Variants in GRIK2 observed in about 807,000 individuals in gnomAD.
The protein encoded by GRIK2 is glutamate ionotropic receptor kainate type subunit 2, also known as glutamate receptor ionotropic, kainate 2.
Under a neutral mutation model 100.3 loss-of-function variants are expected in GRIK2, and 32 were observed. That is an observed-to-expected ratio of 0.32 (90% CI 0.24 to 0.43). GRIK2 has a LOEUF of 0.43. Ranked by LOEUF, GRIK2 falls within the 20% of genes least tolerant of loss-of-function variation. The pLI, the probability that GRIK2 is intolerant of heterozygous loss-of-function variation, is 1.00. For missense variants in GRIK2, 843 were observed against 1,114.9 expected (o/e 0.76, Z 3.47); for synonymous variants, 417 against 389.4 (o/e 1.07, Z -0.83).
intron 14 of GRIK2, among the ~76,000 whole-genome samples, chr6:102,029,035 T>C (rs1769850939): frequency 1.3e-5 from 2 of 151,256 alleles, no homozygotes; most frequent in Admixed American, 1.3e-4. Context: ...TTCTCTTAGG[T>C]ACTACATTCT....
chr6:101,418,223 CAG>C (rs1416927485), intron 2 of GRIK2, among the ~76,000 whole-genome samples: 1 of 152,160 alleles, frequency 6.6e-6, no homozygotes, highest in Non-Finnish European at 1.5e-5. Flanking sequence ...CTGGGAGTAA[CAG>C]ACAGTATTTT....
rs1780186898 is a variant in GRIK2 at position 101,621,989 on chromosome 6, T to C, written c.156T>C (p.Ala52=). 2.5e-6 allele frequency: 4 copies of C among 1,610,356 alleles called. No homozygotes were observed. The East Asian group carries it at 8.9e-5, about 36-fold the overall frequency. Residue 52 remains alanine, a synonymous_variant, in exon 3 of 17, where the codon GCT becomes GCC. Transcript: ENST00000369134. ...FEYVESGPMG[A]EELAFRFAVN... Reference sequence around the variant, plus strand: ...ATGTGGAATCTGGCCCAATGGGAGCTGAGGAACTTGCATTCAGATTTGCTG... The same window carrying C: ...ATGTGGAATCTGGCCCAATGGGAGCCGAGGAACTTGCATTCAGATTTGCTG...
At chr6:101,452,293 C>A (rs1233217763) in intron 2 of GRIK2, among the ~76,000 whole-genome samples, 1 of 151,656 alleles carries the variant, frequency 6.6e-6, no homozygotes, top group Non-Finnish European at 1.5e-5. Context: ...ATAGTAAAAA[C>A]CCTAATAACA....
intron 14 of GRIK2, among the ~76,000 whole-genome samples, chr6:101,988,953 T>A (rs895619911): frequency 2.0e-5 from 3 of 151,838 alleles, no homozygotes; most frequent in African/African-American, 7.2e-5. Flanking sequence ...AAATTAATAA[T>A]CATTGTGTGA....
intron 15 of GRIK2, among the ~76,000 whole-genome samples, chr6:102,047,996 G>GC (rs965308206): frequency 6.6e-6 from 1 of 151,276 alleles, no homozygotes; most frequent in Non-Finnish European, 1.5e-5. Flanking sequence ...GCATGGTACT[G>GC]CCCCCCTCCC....
intron 10 of GRIK2, among the ~76,000 whole-genome samples, chr6:101,834,427 A>C (rs562623908): frequency 4.6e-5 from 7 of 152,062 alleles, no homozygotes; most frequent in Non-Finnish European, 7.4e-5. Context: ...TTATGATTTA[A>C]GTACTCCATT....
At position 101,749,966 on chromosome 6, in the gene GRIK2, C is replaced by T. The variant is rs755554756; in HGVS notation, c.952-49682C>T. Among the ~76,000 whole-genome samples, 3 of 151,986 alleles carry T rather than the reference C, an allele frequency of 2.0e-5. No individual in the cohort carries two copies. The South Asian group carries it at 6.2e-4, about 32-fold the overall frequency. ...TAGCTGGGATTACAGATGTTCGCCACCATGCCTGGCTAATTTTTACTTTTT... is the reference window on the plus strand; with the variant it reads ...TAGCTGGGATTACAGATGTTCGCCATCATGCCTGGCTAATTTTTACTTTTT... On this transcript the variant is annotated intron_variant, in intron 7 of 16. Transcript: ENST00000369134.
At chr6:101,735,726 G>A (rs116977438) in intron 7 of GRIK2, among the ~76,000 whole-genome samples, 1,738 of 152,172 alleles carry the variant, frequency 0.011, 36 homozygotes, top group East Asian at 0.067. Context: ...TTTGAGTGAG[G>A]ACACAGAGCC....
chr6:101,625,856 A>C (rs1431449271), intron 3 of GRIK2, among the ~76,000 whole-genome samples: 1 of 152,132 alleles, frequency 6.6e-6, no homozygotes, highest in Non-Finnish European at 1.5e-5. Context: ...ATCACTCTCT[A>C]AGAGCTATAG....
intron 16 of GRIK2, among the ~76,000 whole-genome samples, chr6:102,059,469 G>GA (rs1479140607): frequency 6.6e-6 from 1 of 151,022 alleles, no homozygotes; most frequent in Non-Finnish European, 1.5e-5. Context: ...AGCAATCCAA[G>GA]AAACTGTTGT....
At chr6:102,044,852 A>T (rs1283104408) in intron 15 of GRIK2, among the ~76,000 whole-genome samples, 1 of 151,914 alleles carries the variant, frequency 6.6e-6, no homozygotes, top group Non-Finnish European at 1.5e-5. Context: ...CATCCAAATA[A>T]ATTTCTTATG....
In GRIK2 at chr6:101,489,657, G is replaced by A. The variant is rs376948954; in HGVS notation, c.115+90265G>A. Among the ~76,000 whole-genome samples the A allele has an allele frequency of 2.1e-5, 3 of 145,626 alleles. 1 individual carries two copies. Among genetic ancestry groups the A allele is most frequent in the Non-Finnish European group, 4.5e-5 (3 of 66,282 alleles). ...AGGGGCTGTTGAAATGACTATCCAGGTTTATCCAGGCAAGTAGTGTTCCTC... is the reference window on the plus strand; with the variant it reads ...AGGGGCTGTTGAAATGACTATCCAGATTTATCCAGGCAAGTAGTGTTCCTC... On this transcript the variant is annotated intron_variant, in intron 2 of 16. Coordinates refer to ENST00000369134, the MANE Select transcript of GRIK2 (RefSeq NM_021956.5).
intron 16 of GRIK2, among the ~76,000 whole-genome samples, chr6:102,067,419 T>C (rs1772072435): frequency 6.6e-6 from 1 of 151,748 alleles, no homozygotes; most frequent in African/African-American, 2.4e-5. Flanking sequence ...CATCATGTTG[T>C]CTTAGAAATA....
In GRIK2 at chr6:101,818,431, C is replaced by T. The variant is rs751662930; in HGVS notation, c.1265C>T (p.Ala422Val). The stretch of plus-strand genomic sequence containing the variant: ...ACAGAAAGTCAAAAGGGAAAGCCAG[C>T]GAACATCACAGATTCCTTATCCAAT... Reference protein sequence around the residue: ...NMTESQKGKPANITDSLSNRS... With the variant: ...NMTESQKGKPVNITDSLSNRS... Residue 422 changes from alanine (A) to valine (V), a missense_variant, in exon 10 of 17, where the codon GCG (alanine) becomes GTG (valine). Ala to Val is a moderately conservative substitution (Grantham distance 64). Transcript: ENST00000369134. 7.1e-5 allele frequency: 114 copies of T among 1,611,340 alleles called. No homozygotes were observed. Among genetic ancestry groups the T allele is most frequent in the Middle Eastern group, 1.6e-4 (1 of 6,074 alleles).
chr6:101,664,963 A>G (rs555874077), intron 4 of GRIK2, among the ~76,000 whole-genome samples: 13 of 152,258 alleles, frequency 8.5e-5, no homozygotes, highest in African/African-American at 2.4e-4. Flanking sequence ...CCATGATTCA[A>G]TTACCTCCCA....
intron 11 of GRIK2, among the ~76,000 whole-genome samples, chr6:101,887,136 C>T (rs1470559219): frequency 6.6e-6 from 1 of 151,846 alleles, no homozygotes. Context: ...CCTCTTCTCT[C>T]TACTTCTATG....
At chr6:101,791,461 A>G (rs1779850663) in intron 7 of GRIK2, among the ~76,000 whole-genome samples, 3 of 152,072 alleles carry the variant, frequency 2.0e-5, no homozygotes, top group Non-Finnish European at 4.4e-5. Context: ...TCATTTCGTT[A>G]TGTACCCAGT....
At chr6:101,412,185 A>G (rs987620424) in intron 2 of GRIK2, among the ~76,000 whole-genome samples, 10 of 152,194 alleles carry the variant, frequency 6.6e-5, no homozygotes, top group African/African-American at 2.4e-4. Context: ...GAGACATAAA[A>G]TGTGGACACT....
At chr6:101,972,413 C>T (rs1014877469) in intron 14 of GRIK2, among the ~76,000 whole-genome samples, 4 of 151,856 alleles carry the variant, frequency 2.6e-5, no homozygotes, top group African/African-American at 7.3e-5. Context: ...TGAGAAGTAT[C>T]GGTTCATGTC....
Sources: gnomAD v4.1 joint callset for allele counts (sites outside exome capture counted in the v4.1 genomes callset) on GRCh38, gnomAD v4.1.1 for gene constraint, MANE v1.5 for transcripts, NCBI Gene and HGNC (gene_info 2026-07-23, HGNC 2026-07-21) for gene names.